The following NPLOC4 variants were observed in gnomAD, a reference collection of about 807,000 sequenced individuals.
NPLOC4 encodes NPL4 homolog, ubiquitin recognition factor, also known as nuclear protein localization protein 4 homolog.
NPLOC4 carries 18 observed loss-of-function variants against 80.6 expected under a neutral mutation model. The ratio of observed to expected loss-of-function variants is 0.22; its 90% CI spans 0.15 to 0.33. The LOEUF (loss-of-function observed/expected upper bound fraction) is 0.33. Among genes scored for constraint, NPLOC4 ranks in the 10% least tolerant of loss-of-function variants. The probability of loss-of-function intolerance (pLI) is 1.00; values close to 1 mark genes in which losing one functional copy is unlikely to be tolerated. For missense variants in NPLOC4, 540 were observed against 786.1 expected (o/e 0.69, Z 3.74); for synonymous variants, 313 against 301.5 (o/e 1.04, Z -0.39).
At chr17:81,631,649 A>C (rs1292552416) in intron 1 of NPLOC4, among the ~76,000 whole-genome samples, 1 of 151,976 alleles carries the variant, frequency 6.6e-6, no homozygotes, top group African/African-American at 2.4e-5. Context: ...GCAGCAAACA[A>C]AGACCTGCTC....
intron 12 of NPLOC4, among the ~76,000 whole-genome samples, chr17:81,584,345 T>C (rs1196356025): frequency 1.3e-5 from 2 of 152,174 alleles, no homozygotes; most frequent in Non-Finnish European, 2.9e-5. Context: ...AACAGAATGA[T>C]TAAGGAAATG....
At chr17:81,630,883 A>G (rs2035910670) in intron 1 of NPLOC4, among the ~76,000 whole-genome samples, 1 of 151,426 alleles carries the variant, frequency 6.6e-6, no homozygotes, top group East Asian at 1.9e-4. Context: ...TCTCAAAAAA[A>G]GAGATTAGGC....
intron 16 of NPLOC4, chr17:81,562,206 TGGGTGACA>T (rs931776375): frequency 1.3e-5 from 2 of 152,168 alleles, no homozygotes; most frequent in African/African-American, 4.8e-5. Flanking sequence ...CACTGCAGCC[TGGGTGACA>T]GGGTGAGATT....
chr17:81,593,692 C>T (rs933398956), intron 11 of NPLOC4, among the ~76,000 whole-genome samples: 6 of 151,826 alleles, frequency 4.0e-5, no homozygotes, highest in Admixed American at 6.6e-5. Flanking sequence ...GATGTGACAC[C>T]GAGAAGAGTA....
intron 8 of NPLOC4, among the ~76,000 whole-genome samples, chr17:81,604,171 G>A (rs2144214445): frequency 6.6e-6 from 1 of 152,236 alleles, no homozygotes; most frequent in East Asian, 1.9e-4. Flanking sequence ...AGGTGTGTCT[G>A]TGGCCTTCTC....
rs1161088237 is a variant in NPLOC4 at position 81,577,263 on chromosome 17, G to A, written c.1282-5175C>T. On this transcript the variant is annotated intron_variant, in intron 12 of 16. Coordinates refer to ENST00000331134, the MANE Select transcript of NPLOC4 (RefSeq NM_017921.4). This position sits in a 1 kb window ranked among gnomAD's most constrained non-coding sequence, Gnocchi z 4.3. ...ATCACTGTGTAGTCCTCGCCAGACT[G>A]CCTGTCCGCACAGCTCTCCAGACAG... Among the ~76,000 whole-genome samples the A allele has an allele frequency of 3.3e-5, 5 of 152,054 alleles. No individual in the cohort carries two copies. Among genetic ancestry groups the A allele is most frequent in the Admixed American group, 3.3e-4 (5 of 15,286 alleles).
chr17:81,604,730 G>C lies in NPLOC4; in HGVS notation c.655-3C>G. 6.2e-7 allele frequency: 1 copy of C among 1,610,552 alleles called. No individual in the cohort carries two copies. The highest frequency in any genetic ancestry group is 8.5e-7 in the Non-Finnish European group (1 of 1,178,238). On this transcript the variant is annotated splice_polypyrimidine_tract_variant and splice_region_variant and intron_variant, in intron 7 of 16. Coordinates refer to ENST00000331134, the MANE Select transcript of NPLOC4 (RefSeq NM_017921.4). ...ATATTGTCCACATGCCTGTACTTCT[G>C]TAGAGTTAACAAGAGTGGGCTGATG...
At chr17:81,609,065 TGCAGTGGC>T (rs1249760841) in intron 5 of NPLOC4, 2 of 404,720 alleles carry the variant, frequency 4.9e-6, no homozygotes, top group Non-Finnish European at 9.0e-6. Context: ...CAGGCTGGAG[TGCAGTGGC>T]ACAGTGGCAC....
intron 11 of NPLOC4, among the ~76,000 whole-genome samples, chr17:81,593,418 G>A (rs545506843): frequency 6.6e-6 from 1 of 152,162 alleles, no homozygotes; most frequent in South Asian, 2.1e-4. Context: ...CAGAAGCACT[G>A]ACACACCTAA....
intron 14 of NPLOC4, among the ~76,000 whole-genome samples, chr17:81,568,505 C>T (rs942490149): frequency 1.3e-5 from 2 of 152,194 alleles, no homozygotes; most frequent in Non-Finnish European, 2.9e-5. Flanking sequence ...TAAGAACAAC[C>T]ATGTGTACAC....
chr17:81,600,683 G>C (rs956739131), intron 8 of NPLOC4, among the ~76,000 whole-genome samples: 3 of 152,188 alleles, frequency 2.0e-5, no homozygotes, highest in African/African-American at 4.8e-5. Context: ...GCACAGCTCT[G>C]CATCAGGAGC....
intron 2 of NPLOC4, among the ~76,000 whole-genome samples, chr17:81,627,176 G>A (rs2035817481): frequency 6.6e-6 from 1 of 151,356 alleles, no homozygotes; most frequent in African/African-American, 2.4e-5. Context: ...GGATCATGAG[G>A]TCAGGAGATC....
At chr17:81,602,747 A>G (rs1702104884) in intron 8 of NPLOC4, among the ~76,000 whole-genome samples, 1 of 151,652 alleles carries the variant, frequency 6.6e-6, no homozygotes, top group African/African-American at 2.4e-5. Context: ...AAGTCCAACT[A>G]AAAAGATTTA....
In NPLOC4 at chr17:81,572,085, C is replaced by T. The variant is rs778219768; in HGVS notation, c.1285G>A (p.Val429Ile). 1.2e-5 allele frequency: 20 copies of T among 1,607,944 alleles called. No individual in the cohort carries two copies. In the African/African-American group the frequency reaches 1.3e-4, roughly 11 times the overall value. The change falls in exon 13 of 17, where the codon GTA (valine) becomes ATA (isoleucine). Residue 429 changes from valine (V) to isoleucine (I), a missense_variant. Around this residue, in one of 6 missense-constraint regions of NPLOC4, gnomAD observed 251 missense variants for 377.5 expected, o/e 0.66. Transcript: ENST00000331134. The surrounding 1 kb of genome is among the most constrained non-coding windows in gnomAD (Gnocchi z 4.5). ...GTGATCTCGTTGCCAAACTTGTCTA[C>T]GTCCTGCAATAGTCAGAGGGGAACA... is the stretch of plus-strand genomic sequence containing the variant. ...QYVPDVFYKD[V>I]DKFGNEITQL...
chr17:81,634,747 G>A (rs191889674), intron 1 of NPLOC4, among the ~76,000 whole-genome samples: 9 of 152,042 alleles, frequency 5.9e-5, no homozygotes, highest in Admixed American at 1.3e-4. Flanking sequence ...CACCACACCC[G>A]GCTAATTTTT....
At chr17:81,576,199 G>A (rs943821420) in intron 12 of NPLOC4, among the ~76,000 whole-genome samples, 1 of 152,202 alleles carries the variant, frequency 6.6e-6, no homozygotes, top group Non-Finnish European at 1.5e-5. Flanking sequence ...ACCTGTACCA[G>A]TATCATGCAT....
chr17:81,598,704 A>C (rs2034986620), intron 9 of NPLOC4, among the ~76,000 whole-genome samples: 1 of 152,120 alleles, frequency 6.6e-6, no homozygotes, highest in Non-Finnish European at 1.5e-5. Context: ...CTGCACCAGA[A>C]GCCCGTCACG....
At chr17:81,593,443 T>C (rs1335632978) in intron 11 of NPLOC4, among the ~76,000 whole-genome samples, 1 of 152,108 alleles carries the variant, frequency 6.6e-6, no homozygotes, top group African/African-American at 2.4e-5. Flanking sequence ...ATGACTTTAT[T>C]CTGTTTCTTT....
chr17:81,615,482 A>T (rs1047159114), intron 3 of NPLOC4, among the ~76,000 whole-genome samples: 16 of 152,338 alleles, frequency 1.1e-4, no homozygotes, highest in Admixed American at 9.8e-4. Context: ...TACACACAAG[A>T]TCAATTTTAA....
Sources: gnomAD v4.1 joint callset for allele counts (sites outside exome capture counted in the v4.1 genomes callset) on GRCh38, gnomAD v4.1.1 for gene constraint, gnomAD v4.1.1 regional missense constraint, Gnocchi (gnomAD v3.1) non-coding constraint, MANE v1.5 for transcripts, NCBI Gene and HGNC (gene_info 2026-07-23, HGNC 2026-07-21) for gene names.